Variants in SRBD1 observed in about 807,000 individuals in gnomAD.
The protein encoded by SRBD1 is S1 RNA-binding domain-containing protein 1.
A neutral mutation model predicts 115.3 loss-of-function variants in SRBD1; 88 were observed. That is an observed-to-expected ratio of 0.76 (90% CI 0.64 to 0.91). The LOEUF (loss-of-function observed/expected upper bound fraction) is 0.91, where lower values mean the gene tolerates loss of function less well. SRBD1 is among the 40% of genes least tolerant of loss of function. The pLI is 0.00. For synonymous variants in SRBD1, 509 were observed against 407.7 expected (o/e 1.25, Z -2.99); for missense variants, 1,385 against 1,177.4 (o/e 1.18, Z -2.58).
intron 14 of SRBD1, among the ~76,000 whole-genome samples, chr2:45,528,033 T>C (rs761772846): frequency 4.6e-5 from 7 of 151,858 alleles, no homozygotes; most frequent in Non-Finnish European, 1.0e-4. Flanking sequence ...TAAAACAATG[T>C]TGAAAATGGA....
At position 45,551,232 on chromosome 2, in the gene SRBD1, C is replaced by G; in HGVS notation, c.1568G>C (p.Arg523Pro). 6.2e-7 allele frequency: 1 copy of G among 1,612,448 alleles called. No individual in the cohort carries two copies. The highest frequency in any genetic ancestry group is 1.1e-5 in the South Asian group (1 of 90,574). The part of the protein sequence containing the change: ...AEKESVMMFG[R>P]NLRQLLLTSP... ...TGTTAAAAGGAGCTGACGAAGGTTC[C>G]GTCCAAACATCATTACTGATTCCTT... The change falls in exon 12 of 21, where the codon CGG becomes CCG. Residue 523 changes from arginine (R) to proline (P), a missense_variant. Transcript: ENST00000263736.
At position 45,546,805 on chromosome 2, in the gene SRBD1, A is replaced by G; in HGVS notation, c.1801T>C (p.Cys601Arg). 1.2e-6 allele frequency: 2 copies of G among 1,614,182 alleles called. No homozygotes were observed. Among genetic ancestry groups the G allele is most frequent in the Non-Finnish European group, 1.7e-6 (2 of 1,180,008 alleles). ...STVVIGNGTA[C>R]RETEAYFADL... ...GCAAAGTAAGCTTCTGTTTCCCTGC[A>G]GGCAGTTCCATTTCCAATCACTACT... Residue 601 changes from cysteine (C) to arginine (R), a missense_variant, in exon 14 of 21, where the codon TGC (cysteine) becomes CGC (arginine). By Grantham distance (180) the Cys-to-Arg change is radical. Transcript: ENST00000263736.
intron 15 of SRBD1, among the ~76,000 whole-genome samples, chr2:45,485,370 T>C (rs1670086373): frequency 6.6e-6 from 1 of 152,148 alleles, no homozygotes; most frequent in South Asian, 2.1e-4. Flanking sequence ...GTTGTTGTTG[T>C]TGCTATCTCC....
chr2:45,461,014 C>T (rs1237980478), intron 16 of SRBD1, among the ~76,000 whole-genome samples: 1 of 152,194 alleles, frequency 6.6e-6, no homozygotes, highest in Non-Finnish European at 1.5e-5. Flanking sequence ...GCGCTCCCTC[C>T]CAGTCTACCC....
At chr2:45,509,352 T>C (rs533194058) in intron 14 of SRBD1, among the ~76,000 whole-genome samples, 1 of 151,978 alleles carries the variant, frequency 6.6e-6, no homozygotes, top group Non-Finnish European at 1.5e-5. Flanking sequence ...ATCCCAGCAC[T>C]TTGAGAGGCC....
chr2:45,582,640 C>G (rs1572805199), intron 5 of SRBD1, among the ~76,000 whole-genome samples: 1 of 152,000 alleles, frequency 6.6e-6, no homozygotes, highest in Non-Finnish European at 1.5e-5. Flanking sequence ...TCTTAATGTT[C>G]AAATTTTTCC....
At chr2:45,604,745 G>GC (rs1292603707) in intron 2 of SRBD1, among the ~76,000 whole-genome samples, 4 of 152,052 alleles carry the variant, frequency 2.6e-5, no homozygotes, top group African/African-American at 7.2e-5. Flanking sequence ...TATCCAAAAT[G>GC]CCCCCCGACT....
chr2:45,425,365 A>AT (rs1668121463), intron 16 of SRBD1, among the ~76,000 whole-genome samples: 1 of 152,114 alleles, frequency 6.6e-6, no homozygotes, highest in Non-Finnish European at 1.5e-5. Flanking sequence ...CATATATAAG[A>AT]TTTTTTCTAA....
chr2:45,392,358 G>A (rs1667028136), intron 20 of SRBD1, among the ~76,000 whole-genome samples: 1 of 152,176 alleles, frequency 6.6e-6, no homozygotes, highest in Admixed American at 6.5e-5. Context: ...TGGGAAGTAG[G>A]TCATTTGATA....
chr2:45,520,304 T>A (rs1364272993), intron 14 of SRBD1, among the ~76,000 whole-genome samples: 3 of 152,056 alleles, frequency 2.0e-5, no homozygotes, highest in African/African-American at 4.8e-5. Context: ...CTAGTGAGGA[T>A]GATCCAGAAG....
intron 5 of SRBD1, among the ~76,000 whole-genome samples, chr2:45,585,319 A>C (rs1673484458): frequency 6.6e-6 from 1 of 152,130 alleles, no homozygotes; most frequent in Admixed American, 6.5e-5. Flanking sequence ...TGGCAGTCCT[A>C]ATTTTGCCAT....
intron 7 of SRBD1, among the ~76,000 whole-genome samples, chr2:45,577,544 A>C (rs1432739537): frequency 6.6e-6 from 1 of 152,084 alleles, no homozygotes. Context: ...TTGGACACGA[A>C]AGTAGTATTT....
chr2:45,508,986 G>A (rs544642469), intron 14 of SRBD1, among the ~76,000 whole-genome samples: 3 of 152,206 alleles, frequency 2.0e-5, no homozygotes, highest in East Asian at 3.9e-4. Context: ...GAGTTGGGAG[G>A]TGGGGGCAGG....
At chr2:45,421,086 G>A (rs543058828) in intron 16 of SRBD1, among the ~76,000 whole-genome samples, 3 of 152,154 alleles carry the variant, frequency 2.0e-5, no homozygotes, top group Non-Finnish European at 4.4e-5. Flanking sequence ...AAGGTGTGCA[G>A]TTCAGTCATG....
At chr2:45,499,348 G>C (rs193227153) in intron 14 of SRBD1, among the ~76,000 whole-genome samples, 1 of 152,202 alleles carries the variant, frequency 6.6e-6, no homozygotes, top group East Asian at 1.9e-4. Flanking sequence ...CACAGTATTT[G>C]TGGGTTTTCT....
chr2:45,410,890 A>G (rs926359169), intron 19 of SRBD1, among the ~76,000 whole-genome samples: 1 of 151,916 alleles, frequency 6.6e-6, no homozygotes, highest in Non-Finnish European at 1.5e-5. Flanking sequence ...CCTTTCCCCC[A>G]TATACCTTCC....
At chr2:45,432,802 A>AT (rs1162128825) in intron 16 of SRBD1, among the ~76,000 whole-genome samples, 2 of 152,174 alleles carry the variant, frequency 1.3e-5, no homozygotes, top group African/African-American at 4.8e-5. Context: ...AATTTATGAG[A>AT]TTTTTACAAA....
At chr2:45,486,607 C>T (rs1192951042) in intron 15 of SRBD1, among the ~76,000 whole-genome samples, 1 of 151,916 alleles carries the variant, frequency 6.6e-6, no homozygotes, top group Non-Finnish European at 1.5e-5. Flanking sequence ...GTGGCAGGCG[C>T]CTGTAGTCCC....
intron 1 of SRBD1, among the ~76,000 whole-genome samples, chr2:45,610,730 T>C (rs1674419703): frequency 6.6e-6 from 1 of 152,166 alleles, no homozygotes. Flanking sequence ...AAAAGGGTGC[T>C]TCCTCTCCCA....
Sources: allele counts gnomAD v4.1 joint callset (sites outside exome capture counted in the v4.1 genomes callset), GRCh38; gene constraint gnomAD v4.1.1; transcripts MANE v1.5; gene names NCBI Gene and HGNC (gene_info 2026-07-23, HGNC 2026-07-21).